The following ADGRG1 variants were observed in gnomAD, a reference collection of about 807,000 sequenced individuals.
ADGRG1 encodes the protein adhesion G protein-coupled receptor G1, also known as 7-transmembrane protein with no EGF-like N-terminal domains-1.
In ADGRG1, 53 loss-of-function variants were observed where a neutral mutation model predicts 73.5. That is an observed-to-expected ratio of 0.72 (90% confidence interval 0.58 to 0.91). ADGRG1 has a LOEUF of 0.91. ADGRG1 is among the 40% of genes least tolerant of loss of function. The probability of loss-of-function intolerance (pLI) is 0.00; values close to 1 mark genes in which losing one functional copy is unlikely to be tolerated. For missense variants in ADGRG1, 795 were observed against 871.8 expected, an observed-to-expected ratio of 0.91 and a Z score of 1.11; for synonymous variants, 394 against 374.4, an observed-to-expected ratio of 1.05 and a Z score of -0.60.
At chr16:57,658,612 G>C (rs939789651) in intron 10 of ADGRG1, among the ~76,000 whole-genome samples, 34 of 152,340 alleles carry the variant, frequency 2.2e-4, no homozygotes, top group African/African-American at 7.7e-4. Context: ...AGGACAGCTG[G>C]GTGATGAGAT....
At position 57,621,916 on chromosome 16, in the gene ADGRG1, A is replaced by T. The variant is rs2034900925; in HGVS notation, c.-154+521A>T. 5.2e-6 allele frequency: 5 copies of T among 970,518 alleles called. No individual in the cohort carries two copies. In the South Asian group the frequency reaches 2.4e-4, roughly 46 times the overall value. 60.1% of individuals were successfully genotyped at this position (970,518 alleles called of 1,614,324 possible). ...TCAGGAAGGGAGGTTTCTACAGAGGAGTCAGAGGCCTCTTCTGCTGCCCTC... is the reference window on the plus strand; with the variant it reads ...TCAGGAAGGGAGGTTTCTACAGAGGTGTCAGAGGCCTCTTCTGCTGCCCTC... On this transcript the variant is annotated intron_variant, in intron 2 of 4. Coordinates refer to the ADGRG1 transcript ENST00000561833.
intron 4 of ADGRG1, chr16:57,653,562 C>T (rs2044680945): frequency 2.0e-6 from 2 of 985,372 alleles, no homozygotes; most frequent in South Asian, 9.4e-5. Context: ...AAGCCCTCCT[C>T]CCCCTCATAA....
chr16:57,643,530 G>A (rs1206763571), intron 1 of ADGRG1: 32 of 982,228 alleles, frequency 3.3e-5, no homozygotes, highest in Admixed American at 6.2e-5. Flanking sequence ...CAGAAGCCAC[G>A]GGGACAGTGA....
intron 1 of ADGRG1, chr16:57,648,319 A>G (rs574059722): frequency 6.3e-6 from 2 of 316,680 alleles, no homozygotes; most frequent in East Asian, 3.4e-4. Flanking sequence ...AGGCAGTTTC[A>G]AAAGGAATCA....
At chr16:57,642,539 T>C (rs2147805342) in intron 1 of ADGRG1, 1 of 972,466 alleles carries the variant, frequency 1.0e-6, no homozygotes, top group Non-Finnish European at 1.2e-6. Context: ...TCACGTTGGG[T>C]TGGGAAACTG....
intron 1 of ADGRG1, chr16:57,648,401 G>T: frequency 1.0e-6 from 1 of 955,370 alleles, no homozygotes; most frequent in Non-Finnish European, 1.2e-6. Flanking sequence ...CTTCTCAAAG[G>T]GCTCTGTGAT....
intron 2 of ADGRG1, chr16:57,621,731 C>T (rs548995209): frequency 5.9e-6 from 2 of 339,856 alleles, no homozygotes; most frequent in African/African-American, 4.5e-5. Flanking sequence ...GCACCTGACA[C>T]CAGGCCTGGC....
rs1163465561 is a variant in ADGRG1 at position 57,647,806 on chromosome 16, TC to T, written c.-35-2444del. The T allele has an allele frequency of 3.1e-6, 3 of 980,106 alleles. No homozygotes were observed. The East Asian group carries it at 3.4e-4, about 111-fold the overall frequency. 60.7% of individuals were successfully genotyped at this position (980,106 alleles called of 1,614,324 possible). A position where few individuals can be genotyped will look rare whatever the true frequency, so the allele number is the denominator to read the frequency against. ...CTCAGGAAGTGGCAGGGACAGTTGG[TC>T]CCTTGTGTGTGTCTGGATTTCTTCC... On this transcript the variant is annotated intron_variant, in intron 1 of 13. Coordinates refer to ENST00000562631, the MANE Select transcript of ADGRG1 (RefSeq NM_201525.4).
At chr16:57,634,554 A>G in intron 1 of ADGRG1, 1 of 838,512 alleles carries the variant, frequency 1.2e-6, no homozygotes, top group Non-Finnish European at 1.4e-6. Flanking sequence ...CAGATGAGGA[A>G]TCAGGCCCAA....
intron 1 of ADGRG1, chr16:57,637,542 C>T: frequency 1.0e-6 from 1 of 985,444 alleles, no homozygotes; most frequent in Non-Finnish European, 1.2e-6. Flanking sequence ...CAGAGGCCGC[C>T]TTCTCCGGCC....
At chr16:57,624,204 A>T, upstream of ADGRG1, 1 of 981,214 alleles carries the variant, frequency 1.0e-6, no homozygotes, top group Non-Finnish European at 1.2e-6. Context: ...TGTCTAAAAA[A>T]TACCCACCTC....
chr16:57,643,920 C>T (rs181506395), intron 1 of ADGRG1: 12 of 980,774 alleles, frequency 1.2e-5, no homozygotes, highest in East Asian at 1.1e-4. Context: ...GGGGGTGGGG[C>T]GTAGCCCTGA....
At chr16:57,626,795 A>G (rs1436895017), upstream of ADGRG1, 30 of 984,400 alleles carry the variant, frequency 3.0e-5, no homozygotes, top group Non-Finnish European at 3.6e-5. Context: ...CCGGGTTACC[A>G]GTTGATCAGG....
At chr16:57,635,024 G>A in intron 1 of ADGRG1, 6 of 985,326 alleles carry the variant, frequency 6.1e-6, no homozygotes, top group Non-Finnish European at 7.2e-6. Context: ...GGATGGGAGG[G>A]AGCAGAGGGG....
At chr16:57,634,267 G>T in intron 1 of ADGRG1, 1 of 985,370 alleles carries the variant, frequency 1.0e-6, no homozygotes, top group Non-Finnish European at 1.2e-6. Context: ...CTGTGGCAGG[G>T]GGTCAGACAA....
chr16:57,635,840 C>T (rs757618107), intron 1 of ADGRG1: 34 of 985,220 alleles, frequency 3.5e-5, no homozygotes, highest in Admixed American at 6.1e-5. Flanking sequence ...GGGCAAGCTC[C>T]GTGTCCCTGT....
At chr16:57,634,964 T>A (rs757684439) in intron 1 of ADGRG1, 9 of 985,320 alleles carry the variant, frequency 9.1e-6, no homozygotes, top group Non-Finnish European at 1.1e-5. Context: ...ATGAAAGCCA[T>A]GAATGCATCT....
chr16:57,647,809 C>T lies in ADGRG1; in HGVS notation c.-35-2444C>T, dbSNP rs114819499. Reference sequence around the variant, plus strand: ...AGGAAGTGGCAGGGACAGTTGGTCCCTTGTGTGTGTCTGGATTTCTTCCGT... The same window carrying T: ...AGGAAGTGGCAGGGACAGTTGGTCCTTTGTGTGTGTCTGGATTTCTTCCGT... On this transcript the variant is annotated intron_variant, in intron 1 of 13. Coordinates refer to ENST00000562631, the MANE Select transcript of ADGRG1 (RefSeq NM_201525.4). The T allele has an allele frequency of 1.4e-3, 1,411 of 978,522 alleles. 11 individuals carry two copies. In the African/African-American group the frequency reaches 0.023, roughly 16 times the overall value. 60.6% of individuals were successfully genotyped at this position (978,522 alleles called of 1,614,324 possible).
chr16:57,649,499 G>A (rs1406849128), intron 1 of ADGRG1, among the ~76,000 whole-genome samples: 1 of 152,122 alleles, frequency 6.6e-6, no homozygotes, highest in African/African-American at 2.4e-5. Flanking sequence ...TGGAGGAGGT[G>A]TCCTCTGAGC....
Sources: allele counts gnomAD v4.1 joint callset (sites outside exome capture counted in the v4.1 genomes callset), GRCh38; gene constraint gnomAD v4.1.1; transcripts MANE v1.5; gene names NCBI Gene and HGNC (gene_info 2026-07-23, HGNC 2026-07-21).